PLA2G4E: variants seen among roughly 807,000 people sequenced by gnomAD.
The protein encoded by PLA2G4E is cytosolic phospholipase A2 epsilon.
In PLA2G4E, 84 loss-of-function variants were observed where a neutral mutation model predicts 109.1. The observed-to-expected ratio is 0.77, with a 90% CI of 0.65 to 0.92. The LOEUF is 0.92. PLA2G4E is among the 40% of genes least tolerant of loss of function. The probability of loss-of-function intolerance (pLI) is 0.00; values close to 1 mark genes in which losing one functional copy is unlikely to be tolerated. For synonymous variants in PLA2G4E, 469 were observed against 436.1 expected (o/e 1.08, Z -0.94); for missense variants, 1,057 against 1,076.6 (o/e 0.98, Z 0.25).
chr15:42,015,558 A>T (rs1353648051), intron 1 of PLA2G4E, among the ~76,000 whole-genome samples: 1 of 152,158 alleles, frequency 6.6e-6, no homozygotes, highest in Non-Finnish European at 1.5e-5. Flanking sequence ...CATCTTCTAG[A>T]GTATTATTTT....
At position 41,999,899 on chromosome 15, in the gene PLA2G4E, C is replaced by T; in HGVS notation, c.936+18G>A. On this transcript the variant is annotated intron_variant, in intron 9 of 19. Coordinates refer to ENST00000399518, the Ensembl canonical transcript of PLA2G4E. The stretch of plus-strand genomic sequence containing the variant: ...AGGGGAAGTAAGTCAGGGGCCCTTC[C>T]CAGACTCAGGCACTCACCACAGGCA... 1 of 1,599,464 alleles carries T rather than the reference C, an allele frequency of 6.3e-7. No individual in the cohort carries two copies. The highest frequency in any genetic ancestry group is 8.5e-7 in the Non-Finnish European group (1 of 1,172,270).
chr15:42,031,619 A>G (rs1795586294), intron 1 of PLA2G4E, among the ~76,000 whole-genome samples: 1 of 151,948 alleles, frequency 6.6e-6, no homozygotes, highest in Admixed American at 6.6e-5. Flanking sequence ...CAGAGGGGGT[A>G]TTGTAACAGG....
chr15:42,028,922 G>C, intron 1 of PLA2G4E, among the ~76,000 whole-genome samples: 1 of 152,070 alleles, frequency 6.6e-6, no homozygotes, highest in East Asian at 1.9e-4. Flanking sequence ...AACTAGATGT[G>C]ACTCTATTTC....
chr15:42,034,082 G>T (rs28460654), intron 1 of PLA2G4E, among the ~76,000 whole-genome samples: 31,587 of 152,148 alleles, frequency 0.21, 3,487 homozygotes, highest in South Asian at 0.36. Flanking sequence ...GCAACTGTCT[G>T]CTGCAAACAG....
chr15:42,004,171 G>A (rs2068449072), intron 5 of PLA2G4E, among the ~76,000 whole-genome samples: 3 of 152,154 alleles, frequency 2.0e-5, no homozygotes, highest in African/African-American at 7.2e-5. Context: ...GCATGGTGGT[G>A]TGTTCCTGTA....
intron 1 of PLA2G4E, among the ~76,000 whole-genome samples, 181 bp downstream of exon 1, chr15:42,020,754 C>T (rs1308208719): frequency 6.6e-6 from 1 of 152,154 alleles, no homozygotes; most frequent in Non-Finnish European, 1.5e-5. Flanking sequence ...TGGGATAAAC[C>T]ACCTCCCCCA....
At chr15:42,027,678 G>T (rs79707164) in intron 1 of PLA2G4E, among the ~76,000 whole-genome samples, 3,077 of 152,272 alleles carry the variant, frequency 0.02, 128 homozygotes, top group African/African-American at 0.071. Flanking sequence ...AGGTCTGTGT[G>T]GTCGGGCTGC....
At chr15:42,002,264 C>CAA (rs71108143) in intron 6 of PLA2G4E, among the ~76,000 whole-genome samples, 13,244 of 71,794 alleles carry the variant, frequency 0.18, 1,726 homozygotes, top group Middle Eastern at 0.23. Flanking sequence ...GACCTTGTCT[C>CAA]AAAAAAAAAA....
At chr15:41,992,570 T>C (rs1298358320) in intron 13 of PLA2G4E, among the ~76,000 whole-genome samples, 167 bp downstream of exon 13, 1 of 152,150 alleles carries the variant, frequency 6.6e-6, no homozygotes, top group African/African-American at 2.4e-5. Context: ...CCCACCACCT[T>C]CCTCCGTCAT....
intron 2 of PLA2G4E, among the ~76,000 whole-genome samples, chr15:42,011,052 C>G (rs982688182): frequency 1.3e-5 from 2 of 152,270 alleles, no homozygotes; most frequent in Non-Finnish European, 2.9e-5. Context: ...CAGCCTGCAG[C>G]AACTGTGGAA....
chr15:41,997,398 C>T lies in PLA2G4E; in HGVS notation c.975-139G>A, dbSNP rs997639860. ...TCTGTGACCTTGGGTCTCCACTTTC[C>T]CATCTGTAAAGTGGGGCGAATCGTG... is the stretch of plus-strand genomic sequence containing the variant. On this transcript the variant is annotated intron_variant, in intron 10 of 19. Coordinates refer to ENST00000399518, the Ensembl canonical transcript of PLA2G4E. 11 of 999,528 alleles carry T rather than the reference C, an allele frequency of 1.1e-5. No homozygotes were observed. The Admixed American group carries it at 3.4e-4, about 31-fold the overall frequency. The allele number at this position is 999,528 out of a possible 1,614,324, so 61.9% of individuals were successfully genotyped here. A position where few individuals can be genotyped will look rare whatever the true frequency, so the allele number is the denominator to read the frequency against.
At chr15:42,027,646 GC>G (rs1287002280) in intron 1 of PLA2G4E, among the ~76,000 whole-genome samples, 4 of 152,304 alleles carry the variant, frequency 2.6e-5, no homozygotes, top group Admixed American at 2.0e-4. Context: ...ACTTCTGGCG[GC>G]TGACTTCAGA....
intron 1 of PLA2G4E, among the ~76,000 whole-genome samples, chr15:42,018,246 A>G (rs898026209): frequency 3.9e-5 from 6 of 152,348 alleles, no homozygotes; most frequent in African/African-American, 1.2e-4. Flanking sequence ...GAAAGATGCA[A>G]TCGAGCAAAG....
chr15:42,030,368 C>A (rs938916819), intron 1 of PLA2G4E, among the ~76,000 whole-genome samples: 1 of 152,176 alleles, frequency 6.6e-6, no homozygotes, highest in Admixed American at 6.5e-5. Flanking sequence ...TGGTAGCCTG[C>A]AAAACGCCCC....
At chr15:42,003,371 G>A (rs1308958257) in intron 5 of PLA2G4E, among the ~76,000 whole-genome samples, 1 of 152,222 alleles carries the variant, frequency 6.6e-6, no homozygotes, top group Non-Finnish European at 1.5e-5. Flanking sequence ...TGATTCTCCT[G>A]CCTCAGCCTC....
At chr15:42,009,120 G>A (rs2068506369) in intron 2 of PLA2G4E, 1 of 152,148 alleles carries the variant, frequency 6.6e-6, no homozygotes, top group Non-Finnish European at 1.5e-5. Flanking sequence ...AAGGTGAGAT[G>A]ACACTCTCTT....
At chr15:42,018,781 C>G (rs2068620497) in intron 1 of PLA2G4E, among the ~76,000 whole-genome samples, 1 of 152,130 alleles carries the variant, frequency 6.6e-6, no homozygotes, top group South Asian at 2.1e-4. Flanking sequence ...CCCTGGGGAC[C>G]TACTGGGGAC....
At chr15:41,981,667 G>C (rs965652375) in exon 20 of PLA2G4E, 1 of 152,252 alleles carries the variant, frequency 6.6e-6, no homozygotes, top group African/African-American at 2.4e-5. Flanking sequence ...TGAATCCAAG[G>C]CATGGCTGCC....
At chr15:42,021,013 C>G (rs768421941) in intron 1 of PLA2G4E, among the ~76,000 whole-genome samples, 7 of 151,826 alleles carry the variant, frequency 4.6e-5, no homozygotes, top group Admixed American at 2.0e-4. Flanking sequence ...CCCTGGCGTG[C>G]ATCTGCCTCA....
Sources: gnomAD v4.1 joint callset for allele counts (sites outside exome capture counted in the v4.1 genomes callset) on GRCh38, gnomAD v4.1.1 for gene constraint, MANE v1.5 for transcripts, NCBI Gene and HGNC (gene_info 2026-07-23, HGNC 2026-07-21) for gene names.